Variants in IGF2BP3 observed in about 807,000 individuals in gnomAD.
IGF2BP3 encodes insulin-like growth factor 2 mRNA-binding protein 3.
A neutral mutation model predicts 73.8 loss-of-function variants in IGF2BP3; 9 were observed. The observed-to-expected ratio is 0.12, with a 90% CI of 0.07 to 0.21. The LOEUF is 0.21. IGF2BP3 is among the 10% of genes least tolerant of loss of function. The pLI, the probability that IGF2BP3 is intolerant of heterozygous loss-of-function variation, is 1.00. For synonymous variants in IGF2BP3, 258 were observed against 256.7 expected, an observed-to-expected ratio of 1.01 and a Z score of -0.05; for missense variants, 542 against 714.0, an observed-to-expected ratio of 0.76 and a Z score of 2.75.
intron 3 of IGF2BP3, among the ~76,000 whole-genome samples, chr7:23,398,833 C>T (rs1004840940): frequency 1.3e-5 from 2 of 152,152 alleles, no homozygotes; most frequent in African/African-American, 2.4e-5. Flanking sequence ...GAGTAGGTTG[C>T]AAAAATTTTC....
At chr7:23,363,829 T>C (rs1358269670) in intron 3 of IGF2BP3, among the ~76,000 whole-genome samples, 2 of 152,388 alleles carry the variant, frequency 1.3e-5, no homozygotes, top group Middle Eastern at 3.4e-3. Context: ...GTCTGTTTTA[T>C]AGGTGAATTT....
Position 23,469,985 on chromosome 7 carries a change from C to T in IGF2BP3, c.126G>A (p.Val42=). 6.2e-7 allele frequency: 1 copy of T among 1,612,644 alleles called. No individual in the cohort carries two copies. Among genetic ancestry groups the T allele is most frequent in the South Asian group, 1.1e-5 (1 of 91,038 alleles). Residue 42 remains valine (V), a synonymous_variant, in exon 1 of 15, where the codon GTG becomes GTA. Transcript: ENST00000258729. The surrounding 1 kb of genome is among the most constrained non-coding windows in gnomAD (Gnocchi z 6.1). ...PFLVKTGYAF[V]DCPDESWALK... ...GGGCCCAGCTCTCGTCCGGGCAGTC[C>T]ACGAACGCGTAGCCAGTCTTCACCA...
intron 3 of IGF2BP3, among the ~76,000 whole-genome samples, chr7:23,382,138 C>G (rs566191635): frequency 4.2e-4 from 64 of 152,174 alleles, no homozygotes; most frequent in African/African-American, 1.2e-3. Context: ...CCCAGCTATT[C>G]AGGAGGCCGA....
intron 2 of IGF2BP3, among the ~76,000 whole-genome samples, chr7:23,434,914 T>C (rs1227605709): frequency 6.6e-6 from 1 of 152,174 alleles, no homozygotes; most frequent in Non-Finnish European, 1.5e-5. Flanking sequence ...CATTAATCCA[T>C]CATTTCCTTG....
rs1278294269 is a variant in IGF2BP3 at position 23,353,749 on chromosome 7, G to T, written c.402-2163C>A. Among the ~76,000 whole-genome samples the T allele has an allele frequency of 2.0e-5, 3 of 152,190 alleles. No individual in the cohort carries two copies. The East Asian group carries it at 5.8e-4, about 29-fold the overall frequency. Reference sequence around the variant, plus strand: ...ATTCTTTTCATAAGCTTCAGAGGATGATAGCTGACACATGCCACACTTATT... The same window carrying T: ...ATTCTTTTCATAAGCTTCAGAGGATTATAGCTGACACATGCCACACTTATT... On this transcript the variant is annotated intron_variant, in intron 5 of 14. Transcript: ENST00000258729.
intron 2 of IGF2BP3, among the ~76,000 whole-genome samples, chr7:23,438,115 T>C (rs1787846883): frequency 6.6e-6 from 1 of 152,214 alleles, no homozygotes; most frequent in African/African-American, 2.4e-5. Flanking sequence ...TTATCGAACT[T>C]ACTTTCAAAT....
chr7:23,395,784 G>A (rs1223660519), intron 3 of IGF2BP3, among the ~76,000 whole-genome samples: 1 of 151,814 alleles, frequency 6.6e-6, no homozygotes, highest in East Asian at 1.9e-4. Flanking sequence ...CAATTAGCTG[G>A]GCGTGGTGAC....
chr7:23,467,297 C>T (rs527843325), intron 2 of IGF2BP3, among the ~76,000 whole-genome samples: 1 of 152,348 alleles, frequency 6.6e-6, no homozygotes, highest in African/African-American at 2.4e-5. Flanking sequence ...TTGTAGCCAT[C>T]TATTTCTGCA....
chr7:23,390,376 G>T (rs1448160937), intron 3 of IGF2BP3, among the ~76,000 whole-genome samples: 1 of 143,870 alleles, frequency 7.0e-6, no homozygotes, highest in Admixed American at 6.9e-5. Flanking sequence ...CTTCTGAAAA[G>T]AAAAAAAAAA....
intron 2 of IGF2BP3, among the ~76,000 whole-genome samples, chr7:23,421,690 CAAA>C (rs78946584): frequency 1.8e-4 from 11 of 60,780 alleles, no homozygotes; most frequent in Admixed American, 1.6e-4. Flanking sequence ...GACTCCATCT[CAAA>C]AAAAAAAAAA....
At chr7:23,344,376 A>C (rs1784782631) in intron 8 of IGF2BP3, among the ~76,000 whole-genome samples, 1 of 152,250 alleles carries the variant, frequency 6.6e-6, no homozygotes. Flanking sequence ...TCCTGTGTCT[A>C]AACTTAGTTT....
chr7:23,461,501 T>C (rs1367039517), intron 2 of IGF2BP3, among the ~76,000 whole-genome samples: 1 of 152,104 alleles, frequency 6.6e-6, no homozygotes, highest in Non-Finnish European at 1.5e-5. Flanking sequence ...CTCCCAATAT[T>C]CTCCATTTTG....
At chr7:23,341,560 C>G (rs1192013239) in intron 10 of IGF2BP3, among the ~76,000 whole-genome samples, 1 of 152,080 alleles carries the variant, frequency 6.6e-6, no homozygotes, top group Admixed American at 6.6e-5. Flanking sequence ...ATCCCAGTTA[C>G]TCAGGAGGCT....
Position 23,384,626 on chromosome 7 carries a change from C to T in IGF2BP3, c.286-22885G>A, listed in dbSNP as rs117609665. 5.7e-3 allele frequency among the ~76,000 whole-genome samples: 873 copies of T among 152,184 alleles called. 5 individuals carry two copies. The highest frequency in any genetic ancestry group is 6.6e-3 in the Non-Finnish European group (452 of 67,998). On this transcript the variant is annotated intron_variant, in intron 3 of 14. Transcript: ENST00000258729. Reference sequence around the variant, plus strand: ...CTGGTAGGCACTGGGCGAGGTGGCTCATACTGTAATCCCAGCACTTTGGGG... The same window carrying T: ...CTGGTAGGCACTGGGCGAGGTGGCTTATACTGTAATCCCAGCACTTTGGGG...
In IGF2BP3 at chr7:23,470,138, TAAC is replaced by T. The variant is rs772894437; in HGVS notation, c.-31_-29del. On this transcript the variant is annotated 5_prime_UTR_variant, in exon 1 of 15. Coordinates refer to ENST00000258729, the MANE Select transcript of IGF2BP3 (RefSeq NM_006547.3). ...TGAAGAGTGGTTGTTTAAAAAAAAA[TAAC>T]GAGAAAAAACGAAAAATTAAAACCA... 3.6e-5 allele frequency: 56 copies of T among 1,554,374 alleles called. No individual in the cohort carries two copies. Among genetic ancestry groups the T allele is most frequent in the Admixed American group, 5.8e-5 (3 of 51,510 alleles).
At chr7:23,407,426 T>C (rs1413134852) in intron 3 of IGF2BP3, among the ~76,000 whole-genome samples, 2 of 151,678 alleles carry the variant, frequency 1.3e-5, no homozygotes, top group Non-Finnish European at 2.9e-5. Flanking sequence ...CTGACTAACA[T>C]GGAGAAACCC....
chr7:23,364,802 G>A (rs918558440), intron 3 of IGF2BP3, among the ~76,000 whole-genome samples: 18 of 152,084 alleles, frequency 1.2e-4, no homozygotes, highest in African/African-American at 4.3e-4. Context: ...ACAGCAACTT[G>A]GATGGAGGTG....
In IGF2BP3 at chr7:23,351,331, C is replaced by A. The variant is rs1041559685; in HGVS notation, c.657G>T (p.Arg219=). The A allele has an allele frequency of 1.2e-6, 2 of 1,613,864 alleles. No individual in the cohort carries two copies. Among genetic ancestry groups the A allele is most frequent in the Non-Finnish European group, 1.7e-6 (2 of 1,179,870 alleles). The part of the protein sequence containing the change: ...AIIGKEGATI[R]NITKQTQSKI... Reference sequence around the variant, plus strand: ...TAGACTGGGTCTGTTTGGTGATGTTCCGAATGGTGGCACCTTCTTTTCCTA... The same window carrying A: ...TAGACTGGGTCTGTTTGGTGATGTTACGAATGGTGGCACCTTCTTTTCCTA... The change falls in exon 6 of 15, where the codon CGG becomes CGT. Residue 219 remains arginine, a synonymous_variant. Coordinates refer to ENST00000258729, the MANE Select transcript of IGF2BP3 (RefSeq NM_006547.3).
intron 3 of IGF2BP3, among the ~76,000 whole-genome samples, chr7:23,369,173 C>T (rs1013156610): frequency 2.6e-5 from 4 of 152,064 alleles, no homozygotes; most frequent in Non-Finnish European, 5.9e-5. Context: ...CCCCAGGTTG[C>T]AAGTTCTGTA....
Sources: gnomAD v4.1 joint callset for allele counts (sites outside exome capture counted in the v4.1 genomes callset) on GRCh38, gnomAD v4.1.1 for gene constraint, Gnocchi (gnomAD v3.1) non-coding constraint, MANE v1.5 for transcripts, NCBI Gene and HGNC (gene_info 2026-07-23, HGNC 2026-07-21) for gene names.